The following MAST4 variants were observed in gnomAD, a reference collection of about 807,000 sequenced individuals.
MAST4 encodes the protein microtubule-associated serine/threonine-protein kinase 4.
Under a neutral mutation model 162.7 loss-of-function variants are expected in MAST4, and 89 were observed. The ratio of observed to expected loss-of-function variants is 0.55; its 90% CI spans 0.46 to 0.65. The LOEUF is 0.65. Ranked by LOEUF, MAST4 falls within the 30% of genes least tolerant of loss-of-function variation. The probability of loss-of-function intolerance (pLI) is 0.00; values close to 1 mark genes in which losing one functional copy is unlikely to be tolerated. For synonymous variants in MAST4, 1,479 were observed against 1,361.1 expected (o/e 1.09, Z -1.91); for missense variants, 3,153 against 3,374.0 (o/e 0.93, Z 1.62).
chr5:66,788,608 ATTGC>A, intron 2 of MAST4, 58 bp from the exon 3 acceptor site: 3 of 227,946 alleles, frequency 1.3e-5, no homozygotes, highest in Non-Finnish European at 2.2e-5. Context: ...CCCCACCCCC[ATTGC>A]AATAAGACTA....
At chr5:67,136,075 A>G (rs1581684921) in intron 18 of MAST4, among the ~76,000 whole-genome samples, 2 of 152,210 alleles carry the variant, frequency 1.3e-5, no homozygotes, top group African/African-American at 4.8e-5. Context: ...TTTTTACAAA[A>G]TTACTTCTTG....
chr5:66,837,985 A>G (rs1372873709), intron 3 of MAST4, among the ~76,000 whole-genome samples: 1 of 149,516 alleles, frequency 6.7e-6, no homozygotes, highest in Non-Finnish European at 1.5e-5. Flanking sequence ...AATAACAACA[A>G]TGATAGTAAC....
intron 13 of MAST4, 68 bp from the exon 14 acceptor site, chr5:67,120,949 C>A: frequency 9.0e-7 from 1 of 1,110,734 alleles, no homozygotes; most frequent in Non-Finnish European, 1.3e-6. Flanking sequence ...CAAATATTAT[C>A]TATTTTGCTG....
chr5:66,730,516 G>T (rs547291856), intron 1 of MAST4, among the ~76,000 whole-genome samples: 2 of 152,292 alleles, frequency 1.3e-5, no homozygotes, highest in East Asian at 3.9e-4. Flanking sequence ...GTTTGAAAAT[G>T]TGATAGCTCA....
intron 1 of MAST4, among the ~76,000 whole-genome samples, chr5:66,740,684 A>G (rs1339634523): frequency 1.3e-5 from 2 of 152,196 alleles, no homozygotes; most frequent in Admixed American, 6.5e-5. Context: ...AAAAAAGCAG[A>G]GTGGAAAAGG....
At chr5:66,847,924 G>A (rs967806672) in intron 3 of MAST4, among the ~76,000 whole-genome samples, 2 of 151,974 alleles carry the variant, frequency 1.3e-5, no homozygotes, top group East Asian at 1.9e-4. Context: ...GCCGTGAAAG[G>A]TGAGGCCAAG....
intron 28 of MAST4, 34 bp downstream of exon 28, chr5:67,162,822 G>C (rs774345509): frequency 1.3e-6 from 2 of 1,597,292 alleles, no homozygotes; most frequent in Admixed American, 1.7e-5. Context: ...CAGCAGAGGG[G>C]AGGGGAGGTA....
At chr5:67,083,523 A>G (rs1230442933) in intron 5 of MAST4, among the ~76,000 whole-genome samples, 1 of 152,198 alleles carries the variant, frequency 6.6e-6, no homozygotes, top group Non-Finnish European at 1.5e-5. Context: ...AGTCTGAGAA[A>G]AACCCATTTC....
intron 4 of MAST4, among the ~76,000 whole-genome samples, chr5:66,926,570 A>ATG (rs1164077708): frequency 3.3e-5 from 5 of 151,630 alleles, no homozygotes; most frequent in South Asian, 2.1e-4. Context: ...CTCTCTCTAT[A>ATG]TATATACACA....
chr5:67,109,235 C>T (rs988026847), intron 10 of MAST4, among the ~76,000 whole-genome samples: 6 of 151,892 alleles, frequency 4.0e-5, no homozygotes, highest in African/African-American at 1.5e-4. Context: ...CATTTATATA[C>T]CCAGGTATAG....
At chr5:66,654,755 AAAC>A (rs1746443587) in intron 1 of MAST4, among the ~76,000 whole-genome samples, 1 of 152,190 alleles carries the variant, frequency 6.6e-6, no homozygotes, top group African/African-American at 2.4e-5. Flanking sequence ...AGCAGGAAAC[AAAC>A]AAGATTCAGC....
chr5:66,844,182 TG>T, intron 3 of MAST4, among the ~76,000 whole-genome samples: 2 of 140,846 alleles, frequency 1.4e-5, no homozygotes, highest in Admixed American at 1.5e-4. Context: ...TGTGTGTGTG[TG>T]TGTGTGTGTG....
At chr5:67,008,175 C>A (rs1439372081) in intron 4 of MAST4, among the ~76,000 whole-genome samples, 2 of 152,202 alleles carry the variant, frequency 1.3e-5, no homozygotes, top group Admixed American at 1.3e-4. Context: ...CATTCACCTG[C>A]TGCTTTGAGG....
In MAST4 at chr5:66,890,901, T is replaced by C. The variant is rs1325040095; in HGVS notation, c.643-9050T>C. On this transcript the variant is annotated intron_variant, in intron 3 of 28. Transcript: ENST00000403625. Reference sequence around the variant, plus strand: ...TAATAGTGAAGTTTAAATAAGATAATGTATGTCACTGTGCAGTAAATGTGA... The same window carrying C: ...TAATAGTGAAGTTTAAATAAGATAACGTATGTCACTGTGCAGTAAATGTGA... Among the ~76,000 whole-genome samples, 3 of 152,322 alleles carry C rather than the reference T, an allele frequency of 2.0e-5. No homozygotes were observed. In the East Asian group the frequency reaches 5.8e-4, roughly 29 times the overall value.
chr5:66,865,022 AAG>A (rs1355273647), intron 3 of MAST4, among the ~76,000 whole-genome samples: 3 of 152,300 alleles, frequency 2.0e-5, no homozygotes, highest in Non-Finnish European at 2.9e-5. Context: ...TGGCCCATGA[AAG>A]AGAGAACAGG....
chr5:66,778,010 A>T (rs1347401379), intron 2 of MAST4, among the ~76,000 whole-genome samples: 1 of 152,186 alleles, frequency 6.6e-6, no homozygotes, highest in Non-Finnish European at 1.5e-5. Flanking sequence ...ATATTTCAGT[A>T]TGCGAATTGA....
chr5:66,995,496 G>A (rs1440032216), intron 4 of MAST4, among the ~76,000 whole-genome samples: 3 of 152,162 alleles, frequency 2.0e-5, no homozygotes, highest in East Asian at 1.9e-4. Flanking sequence ...ATCCACCTCC[G>A]GTTTCAAGTG....
chr5:66,910,364 A>G (rs761248789), intron 4 of MAST4, among the ~76,000 whole-genome samples: 5 of 152,136 alleles, frequency 3.3e-5, no homozygotes, highest in Admixed American at 6.5e-5. Context: ...GCAGTCCCCA[A>G]ATATATTCAT....
intron 1 of MAST4, among the ~76,000 whole-genome samples, chr5:66,684,619 G>A (rs1748529952): frequency 6.6e-6 from 1 of 152,108 alleles, no homozygotes; most frequent in African/African-American, 2.4e-5. Flanking sequence ...CTGCCTAAAG[G>A]GCTAATTGCC....
Sources: allele counts gnomAD v4.1 joint callset (sites outside exome capture counted in the v4.1 genomes callset), GRCh38; gene constraint gnomAD v4.1.1; transcripts MANE v1.5; gene names NCBI Gene and HGNC (gene_info 2026-07-23, HGNC 2026-07-21).